The following UNC80 variants were observed in gnomAD, a reference collection of about 807,000 sequenced individuals.
UNC80 encodes protein unc-80 homolog.
A neutral mutation model predicts 384.6 loss-of-function variants in UNC80; 164 were observed. The ratio of observed to expected loss-of-function variants is 0.43; its 90% CI spans 0.38 to 0.49. The LOEUF is 0.49. Ranked by LOEUF, UNC80 falls within the 20% of genes least tolerant of loss-of-function variation. The probability of loss-of-function intolerance (pLI) is 0.00; values close to 1 mark genes in which losing one functional copy is unlikely to be tolerated. For missense variants in UNC80, 3,330 were observed against 4,143.0 expected (o/e 0.80, Z 5.39); for synonymous variants, 1,486 against 1,527.8 (o/e 0.97, Z 0.64).
At position 209,977,014 on chromosome 2, in the gene UNC80, C is replaced by A; in HGVS notation, c.8874C>A (p.Ser2958Arg). ...TCATACCACGCCCTTTGTGTAAGAG[C>A]TCGCTCATTGCTGAGTTCAACAGTG... is the stretch of plus-strand genomic sequence containing the variant. ...RRFIPRPLCK[S>R]SLIAEFNSEL... Residue 2958 changes from serine to arginine, a missense_variant, in exon 58 of 65, where the codon AGC becomes AGA. By Grantham distance (110) the Ser-to-Arg change is moderately radical. Transcript: ENST00000673920. The A allele has an allele frequency of 6.5e-7, 1 of 1,538,894 alleles. No individual in the cohort carries two copies. Among genetic ancestry groups the A allele is most frequent in the Non-Finnish European group, 8.8e-7 (1 of 1,136,342 alleles).
At chr2:209,963,531 T>C (rs576477994) in intron 51 of UNC80, among the ~76,000 whole-genome samples, 14 of 152,322 alleles carry the variant, frequency 9.2e-5, no homozygotes, top group South Asian at 2.1e-4. Context: ...AATAGACAGA[T>C]TGATTATCTC....
At chr2:209,845,597 CA>C (rs2082112984) in intron 21 of UNC80, among the ~76,000 whole-genome samples, 1 of 152,060 alleles carries the variant, frequency 6.6e-6, no homozygotes, top group Non-Finnish European at 1.5e-5. Flanking sequence ...GAGTTTGTGT[CA>C]ACAATACCTG....
At chr2:209,800,972 A>G (rs1208375242) in intron 7 of UNC80, among the ~76,000 whole-genome samples, 1 of 152,174 alleles carries the variant, frequency 6.6e-6, no homozygotes, top group Non-Finnish European at 1.5e-5. Context: ...TCTACTTCCA[A>G]TTATGTAGTC....
At chr2:209,792,351 T>A (rs983072615) in intron 6 of UNC80, among the ~76,000 whole-genome samples, 1 of 152,156 alleles carries the variant, frequency 6.6e-6, no homozygotes, top group Admixed American at 6.5e-5. Flanking sequence ...TTTTGTTTTG[T>A]TTTGCTTTGT....
Position 209,912,611 on chromosome 2 carries a change from G to A in UNC80, c.4834G>A (p.Asp1612Asn), listed in dbSNP as rs2089076709. The A allele has an allele frequency of 6.4e-7, 1 of 1,551,448 alleles. No homozygotes were observed. The highest frequency in any genetic ancestry group is 1.4e-5 in the African/African-American group (1 of 73,026). ...ACCTTCTCTAAAGAAGAGAGTTTCA[G>A]ATGCCAATCTGGAAGGAAAAAAAGA... ...RTPSLKKRVS[D>N]ANLEGKKDSG... The change falls in exon 30 of 65, where the codon GAT (aspartate) becomes AAT (asparagine). Residue 1612 changes from aspartate to asparagine, a missense_variant. Physicochemically the swap from Asp to Asn is conservative, Grantham distance 23. This residue lies in a region of UNC80 where 801 missense variants were observed against 950.8 expected (regional missense o/e 0.84). Coordinates refer to ENST00000673920, the MANE Select transcript of UNC80 (RefSeq NM_001371986.1).
chr2:209,872,066 G>C lies in UNC80; in HGVS notation c.3628-692G>C, dbSNP rs12694191. Among the ~76,000 whole-genome samples, 2 of 151,606 alleles carry C rather than the reference G, an allele frequency of 1.3e-5. No homozygotes were observed. The highest frequency in any genetic ancestry group is 1.5e-5 in the Non-Finnish European group (1 of 67,920). Reference sequence around the variant, plus strand: ...CTCCCAGGCTGGAGTGCAGTGGCGCGATCTCAGCTAACTGCAACTTACACC... The same window carrying C: ...CTCCCAGGCTGGAGTGCAGTGGCGCCATCTCAGCTAACTGCAACTTACACC... On this transcript the variant is annotated intron_variant, in intron 22 of 64. Coordinates refer to ENST00000673920, the MANE Select transcript of UNC80 (RefSeq NM_001371986.1). The surrounding 1 kb of genome is among the most constrained non-coding windows in gnomAD (Gnocchi z 4.1).
intron 22 of UNC80, among the ~76,000 whole-genome samples, chr2:209,854,688 G>GA (rs1334222036): frequency 1.3e-5 from 2 of 151,566 alleles, no homozygotes; most frequent in Non-Finnish European, 2.9e-5. Context: ...ATAAACAAAT[G>GA]AAAAAAAAGC....
At chr2:209,884,441 C>T (rs1034118110) in intron 25 of UNC80, among the ~76,000 whole-genome samples, 8 of 152,066 alleles carry the variant, frequency 5.3e-5, no homozygotes, top group South Asian at 2.1e-4. Context: ...ACCATGCCAA[C>T]GGAATTTAAC....
At chr2:209,875,744 G>T (rs924675242) in intron 23 of UNC80, among the ~76,000 whole-genome samples, 2 of 151,998 alleles carry the variant, frequency 1.3e-5, no homozygotes, top group African/African-American at 4.8e-5. Flanking sequence ...TTTCAGGACC[G>T]TCCCCTCGAA....
At chr2:209,903,609 T>C (rs1429751496) in intron 28 of UNC80, among the ~76,000 whole-genome samples, 1 of 111,436 alleles carries the variant, frequency 9.0e-6, no homozygotes, top group Non-Finnish European at 1.7e-5. Flanking sequence ...ATATATATAG[T>C]ATATATGTAA....
At chr2:209,955,378 A>G (rs2124996093) in intron 48 of UNC80, among the ~76,000 whole-genome samples, 2 of 152,200 alleles carry the variant, frequency 1.3e-5, no homozygotes, top group Middle Eastern at 3.4e-3. Context: ...ATCATGAGCT[A>G]CATTGCCAAA....
chr2:209,993,850 C>T (rs1006390335), intron 63 of UNC80, among the ~76,000 whole-genome samples: 8 of 152,226 alleles, frequency 5.3e-5, no homozygotes, highest in Non-Finnish European at 1.0e-4. Context: ...AGGCCATTTA[C>T]GTGAAAATGA....
chr2:209,853,849 C>A (rs890459729), intron 22 of UNC80, among the ~76,000 whole-genome samples: 1 of 151,976 alleles, frequency 6.6e-6, no homozygotes, highest in African/African-American at 2.4e-5. Flanking sequence ...AGTATAAGAC[C>A]ATCCATAGGA....
At chr2:209,804,949 T>A (rs904092318) in intron 7 of UNC80, among the ~76,000 whole-genome samples, 2 of 152,134 alleles carry the variant, frequency 1.3e-5, no homozygotes, top group African/African-American at 4.8e-5. Context: ...CTTGGCTTCA[T>A]CTTTAGACCA....
intron 11 of UNC80, 42 bp downstream of exon 11, chr2:209,817,994 T>G: frequency 6.5e-7 from 1 of 1,545,178 alleles, no homozygotes; most frequent in Non-Finnish European, 8.7e-7. Context: ...TTCAGAGTTC[T>G]TTTTTTGTTT....
intron 28 of UNC80, among the ~76,000 whole-genome samples, chr2:209,902,947 A>G (rs2087592777): frequency 7.0e-6 from 1 of 142,074 alleles, no homozygotes; most frequent in African/African-American, 2.6e-5. Context: ...GTGTGTGTAC[A>G]GTCATCCCTT....
chr2:209,938,036 G>A (rs989506410), intron 42 of UNC80, among the ~76,000 whole-genome samples: 1 of 150,430 alleles, frequency 6.6e-6, no homozygotes, highest in Admixed American at 6.6e-5. Context: ...TAGTATGCTT[G>A]AAAAAAAAAG....
At chr2:209,933,269 A>G (rs747301560) in intron 38 of UNC80, among the ~76,000 whole-genome samples, 183 of 152,182 alleles carry the variant, frequency 1.2e-3, no homozygotes, top group Non-Finnish European at 1.0e-3. Flanking sequence ...TCAAAATTAC[A>G]TTAGAAGATA....
chr2:209,908,352 T>C (rs2088515630), intron 29 of UNC80, among the ~76,000 whole-genome samples: 1 of 152,222 alleles, frequency 6.6e-6, no homozygotes, highest in Admixed American at 6.5e-5. Context: ...CTAATCTACA[T>C]TTCAATGCTG....
Sources: gnomAD v4.1 joint callset for allele counts (sites outside exome capture counted in the v4.1 genomes callset) on GRCh38, gnomAD v4.1.1 for gene constraint, gnomAD v4.1.1 regional missense constraint, Gnocchi (gnomAD v3.1) non-coding constraint, MANE v1.5 for transcripts, NCBI Gene and HGNC (gene_info 2026-07-23, HGNC 2026-07-21) for gene names.